Variants in PXDNL observed in about 807,000 individuals in gnomAD.
PXDNL encodes the protein peroxidasin like, also known as probable oxidoreductase PXDNL.
PXDNL carries 145 observed loss-of-function variants against 150.8 expected under a neutral mutation model. The ratio of observed to expected loss-of-function variants is 0.96; its 90% confidence interval spans 0.84 to 1.10. The LOEUF is 1.10. Among genes scored for constraint, PXDNL ranks in the 50% least tolerant of loss-of-function variants. PXDNL has a pLI of 0.00. For synonymous variants in PXDNL, 757 were observed against 725.7 expected (o/e 1.04, Z -0.69); for missense variants, 2,087 against 1,873.9 (o/e 1.11, Z -2.10).
chr8:51,457,354 A>C (rs540835821), intron 9 of PXDNL, 144 bp downstream of exon 9: 1 of 659,076 alleles, frequency 1.5e-6, no homozygotes, highest in East Asian at 3.0e-5. Flanking sequence ...AAGAGAAAAA[A>C]ATTCAAGTTT....
At chr8:51,732,420 G>C (rs1199188177) in intron 1 of PXDNL, among the ~76,000 whole-genome samples, 1 of 152,168 alleles carries the variant, frequency 6.6e-6, no homozygotes, top group Non-Finnish European at 1.5e-5. Context: ...TTTGGTCAAA[G>C]CCATTTAACA....
intron 5 of PXDNL, among the ~76,000 whole-genome samples, chr8:51,492,216 T>A (rs1361657904): frequency 6.6e-6 from 1 of 152,212 alleles, no homozygotes; most frequent in Non-Finnish European, 1.5e-5. Context: ...ATTTTTCTGC[T>A]TAAGGTTAGC....
chr8:51,488,890 G>A (rs1402407829), intron 5 of PXDNL, among the ~76,000 whole-genome samples: 1 of 152,120 alleles, frequency 6.6e-6, no homozygotes, highest in Non-Finnish European at 1.5e-5. Context: ...AAAAGAGTAA[G>A]AAAGCATTAC....
intron 1 of PXDNL, among the ~76,000 whole-genome samples, chr8:51,742,034 T>C (rs966165750): frequency 2.6e-5 from 4 of 152,218 alleles, no homozygotes; most frequent in Non-Finnish European, 2.9e-5. Flanking sequence ...CTGTGCTACA[T>C]CCATACCATG....
At chr8:51,531,804 G>T (rs1019239025) in intron 4 of PXDNL, among the ~76,000 whole-genome samples, 1 of 152,166 alleles carries the variant, frequency 6.6e-6, no homozygotes, top group Non-Finnish European at 1.5e-5. Context: ...AAAGGATGTG[G>T]ATTGTCATCA....
chr8:51,614,613 A>C (rs539290368), intron 2 of PXDNL, among the ~76,000 whole-genome samples: 1 of 152,166 alleles, frequency 6.6e-6, no homozygotes, highest in Non-Finnish European at 1.5e-5. Context: ...ATTTGTCTAA[A>C]GTTTTTCTTT....
intron 7 of PXDNL, among the ~76,000 whole-genome samples, chr8:51,473,091 T>A (rs1192392997): frequency 6.6e-6 from 1 of 152,190 alleles, no homozygotes; most frequent in African/African-American, 2.4e-5. Flanking sequence ...AAACTCCATA[T>A]AATTAATATC....
intron 5 of PXDNL, 21 bp downstream of exon 5, chr8:51,499,678 A>T: frequency 6.3e-7 from 1 of 1,579,508 alleles, no homozygotes; most frequent in East Asian, 2.2e-5. Flanking sequence ...AGCAAAGGAC[A>T]TCTAAAGGGT....
chr8:51,519,405 C>T (rs780830558), intron 4 of PXDNL, among the ~76,000 whole-genome samples: 9 of 151,836 alleles, frequency 5.9e-5, no homozygotes, highest in Non-Finnish European at 8.8e-5. Context: ...TGGTGGTGTG[C>T]GCCTATAATC....
intron 3 of PXDNL, among the ~76,000 whole-genome samples, chr8:51,574,808 T>C (rs1414093966): frequency 1.3e-5 from 2 of 151,964 alleles, no homozygotes; most frequent in Non-Finnish European, 2.9e-5. Context: ...TATATCTAGC[T>C]AAAGTACTCT....
At chr8:51,501,580 TCA>T (rs1027479762) in intron 4 of PXDNL, among the ~76,000 whole-genome samples, 7 of 151,428 alleles carry the variant, frequency 4.6e-5, no homozygotes, top group Non-Finnish European at 1.0e-4. Context: ...ATCTACACAC[TCA>T]CACACACTCA....
At chr8:51,670,573 T>C (rs1365630829) in intron 1 of PXDNL, among the ~76,000 whole-genome samples, 2 of 152,212 alleles carry the variant, frequency 1.3e-5, no homozygotes, top group Non-Finnish European at 2.9e-5. Flanking sequence ...AATATGATAT[T>C]ATAATCTTAT....
At chr8:51,728,877 C>T (rs1228060454) in intron 1 of PXDNL, among the ~76,000 whole-genome samples, 4 of 152,174 alleles carry the variant, frequency 2.6e-5, no homozygotes, top group African/African-American at 4.8e-5. Flanking sequence ...CACATTTACT[C>T]GCCACTCACT....
chr8:51,568,539 T>C (rs1025246160), intron 3 of PXDNL, among the ~76,000 whole-genome samples: 3 of 151,900 alleles, frequency 2.0e-5, no homozygotes, highest in Non-Finnish European at 4.4e-5. Flanking sequence ...TAATTCTTTG[T>C]CTGTTTTTCT....
intron 4 of PXDNL, among the ~76,000 whole-genome samples, chr8:51,515,914 G>C (rs570543911): frequency 1.6e-4 from 24 of 152,114 alleles, no homozygotes; most frequent in Admixed American, 1.5e-3. Flanking sequence ...TACTCGTCTG[G>C]TTCAAGTTTT....
intron 2 of PXDNL, among the ~76,000 whole-genome samples, chr8:51,610,292 C>T (rs1242081062): frequency 6.6e-6 from 1 of 152,190 alleles, no homozygotes; most frequent in Non-Finnish European, 1.5e-5. Flanking sequence ...CCTTAGGCAT[C>T]ATTAGCACCA....
chr8:51,785,759 G>C (rs557765123), intron 1 of PXDNL, among the ~76,000 whole-genome samples: 1 of 152,250 alleles, frequency 6.6e-6, no homozygotes, highest in Non-Finnish European at 1.5e-5. Flanking sequence ...CCAATTCCCT[G>C]AGAAAGAACA....
intron 1 of PXDNL, among the ~76,000 whole-genome samples, chr8:51,804,542 T>C (rs1364289883): frequency 6.6e-6 from 1 of 152,158 alleles, no homozygotes; most frequent in African/African-American, 2.4e-5. Context: ...GAAGCAGAAT[T>C]GGTCCTTCTA....
chr8:51,332,426 T>C (rs1805717224), intron 21 of PXDNL, among the ~76,000 whole-genome samples: 1 of 152,084 alleles, frequency 6.6e-6, no homozygotes, highest in Non-Finnish European at 1.5e-5. Context: ...GGCTCATCAA[T>C]GATCCCAAAA....
Sources: allele counts gnomAD v4.1 joint callset (sites outside exome capture counted in the v4.1 genomes callset), GRCh38; gene constraint gnomAD v4.1.1; transcripts MANE v1.5; gene names NCBI Gene and HGNC (gene_info 2026-07-23, HGNC 2026-07-21).